Variants in ENTPD1 observed in about 807,000 individuals in gnomAD.
ENTPD1 encodes ectonucleoside triphosphate diphosphohydrolase 1.
In ENTPD1, 33 loss-of-function variants were observed where a neutral mutation model predicts 57.0. That is an observed-to-expected ratio of 0.58 (90% CI 0.44 to 0.77). ENTPD1 has a LOEUF of 0.77. Ranked by LOEUF, ENTPD1 falls within the 30% of genes least tolerant of loss-of-function variation. The pLI, the probability that ENTPD1 is intolerant of heterozygous loss-of-function variation, is 0.00. For synonymous variants in ENTPD1, 202 were observed against 218.8 expected (o/e 0.92, Z 0.68); for missense variants, 501 against 603.4 (o/e 0.83, Z 1.78).
the ENTPD1 span, among the ~76,000 whole-genome samples, chr10:95,695,709 A>G: frequency 1.3e-5 from 2 of 152,228 alleles, no homozygotes; most frequent in Non-Finnish European, 2.9e-5. Flanking sequence ...ATATGATCAT[A>G]TGTATATACT....
chr10:95,767,431 A>C (rs2098094151), intron 1 of ENTPD1, among the ~76,000 whole-genome samples: 1 of 151,840 alleles, frequency 6.6e-6, no homozygotes. Context: ...AGAAGGATTA[A>C]GAGTTTTTGT....
chr10:95,744,977 A>T (rs1367447792), intron 1 of ENTPD1, among the ~76,000 whole-genome samples: 1 of 152,164 alleles, frequency 6.6e-6, no homozygotes, highest in Non-Finnish European at 1.5e-5. Flanking sequence ...CTTTAAAGTA[A>T]GCAGTTTTTT....
intron 1 of ENTPD1, among the ~76,000 whole-genome samples, chr10:95,777,967 T>C (rs758335393): frequency 2.6e-5 from 4 of 152,176 alleles, no homozygotes; most frequent in Non-Finnish European, 5.9e-5. Context: ...TGGGATATAA[T>C]CTCCTGGTGT....
At chr10:95,734,540 C>T (rs1265216580) in intron 1 of ENTPD1, among the ~76,000 whole-genome samples, 1 of 152,184 alleles carries the variant, frequency 6.6e-6, no homozygotes, top group East Asian at 1.9e-4. Context: ...CTTCTTCCAG[C>T]TGGGCAGAGG....
intron 1 of ENTPD1, among the ~76,000 whole-genome samples, chr10:95,714,087 G>T (rs1397209347): frequency 6.6e-6 from 1 of 152,190 alleles, no homozygotes; most frequent in African/African-American, 2.4e-5. Flanking sequence ...GAGGTGGGCA[G>T]ATTGCTTGAG....
chr10:95,745,591 G>A (rs1201444904), intron 1 of ENTPD1, among the ~76,000 whole-genome samples: 3 of 152,142 alleles, frequency 2.0e-5, no homozygotes, highest in Non-Finnish European at 4.4e-5. Context: ...AGTTAAAGGG[G>A]ATATTTCAAC....
intron 1 of ENTPD1, among the ~76,000 whole-genome samples, chr10:95,769,632 G>A (rs2098107013): frequency 6.6e-6 from 1 of 152,184 alleles, no homozygotes; most frequent in East Asian, 1.9e-4. Context: ...CGTTTTAATA[G>A]GATCACTCTG....
At chr10:95,730,651 G>A (rs1475975120) in intron 1 of ENTPD1, among the ~76,000 whole-genome samples, 5 of 152,172 alleles carry the variant, frequency 3.3e-5, no homozygotes, top group African/African-American at 1.2e-4. Flanking sequence ...GTAAATATGT[G>A]TTATTTATTT....
intron 1 of ENTPD1, among the ~76,000 whole-genome samples, chr10:95,793,166 G>T (rs1344800317): frequency 6.6e-6 from 1 of 152,166 alleles, no homozygotes; most frequent in Non-Finnish European, 1.5e-5. Context: ...CAGTGCCAAA[G>T]AATTTCATTA....
upstream of ENTPD1, chr10:95,755,880 GGAGA>G: frequency 2.6e-6 from 4 of 1,518,336 alleles, no homozygotes; most frequent in Non-Finnish European, 3.5e-6. Flanking sequence ...ACGAAGAGAG[GGAGA>G]GAGAGATGAA....
intron 1 of ENTPD1, among the ~76,000 whole-genome samples, chr10:95,714,755 T>C (rs2097969632): frequency 6.6e-6 from 1 of 152,208 alleles, no homozygotes; most frequent in Non-Finnish European, 1.5e-5. Flanking sequence ...TATTTGTTTT[T>C]CAAACAGAAT....
rs1159279376 is a variant in ENTPD1, at chr10:95,791,435, T to C, written c.17-31802T>C. Among the ~76,000 whole-genome samples, 2 of 152,170 alleles carry C rather than the reference T, an allele frequency of 1.3e-5. No individual in the cohort carries two copies. The highest frequency in any genetic ancestry group is 4.8e-5 in the African/African-American group (2 of 41,438). On this transcript the variant is annotated intron_variant, in intron 1 of 9. Coordinates refer to ENST00000371205, the MANE Select transcript of ENTPD1 (RefSeq NM_001776.6). This position sits in a 1 kb window ranked among gnomAD's most constrained non-coding sequence, Gnocchi z 4.1. ...TTATATACTGGCAACCCATGAGGAC[T>C]TGAAAAACAAATTTTTAATGAAGTA...
chr10:95,854,794 G>A (rs898108150), intron 7 of ENTPD1, among the ~76,000 whole-genome samples: 3 of 152,190 alleles, frequency 2.0e-5, no homozygotes, highest in Non-Finnish European at 4.4e-5. Context: ...TGTGGTCTGA[G>A]AGACAGTTTG....
At position 95,816,068 on chromosome 10, in the gene ENTPD1, C is replaced by T. The variant is rs561040561; in HGVS notation, c.17-7169C>T. 3.3e-5 allele frequency among the ~76,000 whole-genome samples: 5 copies of T among 152,266 alleles called. No homozygotes were observed. The East Asian group carries it at 7.7e-4, about 23-fold the overall frequency. The stretch of plus-strand genomic sequence containing the variant: ...CTTTCCTTTTCCGGTGGAGTGCTCC[C>T]GGCAAGTCATCTTCCACCTTTTGTC... On this transcript the variant is annotated intron_variant, in intron 1 of 9. Transcript: ENST00000371205.
At chr10:95,792,430 GA>G in intron 1 of ENTPD1, among the ~76,000 whole-genome samples, 1 of 152,232 alleles carries the variant, frequency 6.6e-6, no homozygotes. Flanking sequence ...AGAAAGGGCT[GA>G]AGAAAGCAGA....
At chr10:95,857,464 T>C (rs567399010) in intron 7 of ENTPD1, among the ~76,000 whole-genome samples, 7 of 152,344 alleles carry the variant, frequency 4.6e-5, no homozygotes, top group African/African-American at 1.7e-4. Flanking sequence ...TTATTAGTGC[T>C]TTATTACATG....
In ENTPD1 at chr10:95,866,338, G is replaced by A; in HGVS notation, c.1488G>A (p.Leu496=). 2.5e-6 allele frequency: 4 copies of A among 1,614,142 alleles called. No individual in the cohort carries two copies. The highest frequency in any genetic ancestry group is 3.4e-6 in the Non-Finnish European group (4 of 1,180,034). The change falls in exon 10 of 10, where the codon TTG becomes TTA. Residue 496 remains leucine, a synonymous_variant. Transcript: ENST00000371205. ...TTTTCACAGTGGCCATCATAGGCTTGCTTATCTTTCACAAGCCTTCATATT... is the reference window on the plus strand; with the variant it reads ...TTTTCACAGTGGCCATCATAGGCTTACTTATCTTTCACAAGCCTTCATATT... ...LVLFTVAIIG[L]LIFHKPSYFW...
At chr10:95,763,613 A>G (rs943346912) in intron 1 of ENTPD1, among the ~76,000 whole-genome samples, 2 of 152,214 alleles carry the variant, frequency 1.3e-5, no homozygotes, top group Non-Finnish European at 2.9e-5. Context: ...GGTAGAGAGG[A>G]GCTTAGTCCT....
intron 1 of ENTPD1, among the ~76,000 whole-genome samples, chr10:95,733,577 T>A (rs1200716901): frequency 6.6e-6 from 1 of 152,182 alleles, no homozygotes; most frequent in African/African-American, 2.4e-5. Flanking sequence ...TAAGAAATTA[T>A]AAAAGTTTTA....
Sources: gnomAD v4.1 joint callset for allele counts (sites outside exome capture counted in the v4.1 genomes callset) on GRCh38, gnomAD v4.1.1 for gene constraint, Gnocchi (gnomAD v3.1) non-coding constraint, MANE v1.5 for transcripts, NCBI Gene and HGNC (gene_info 2026-07-23, HGNC 2026-07-21) for gene names.